Variants in ITGA9 observed in about 807,000 individuals in gnomAD.
The protein encoded by ITGA9 is integrin alpha-9.
In ITGA9, 56 loss-of-function variants were observed where a neutral mutation model predicts 127.8. That is an observed-to-expected ratio of 0.44 (90% confidence interval 0.35 to 0.55). The LOEUF is 0.55. Among genes scored for constraint, ITGA9 ranks in the 20% least tolerant of loss-of-function variants. The pLI is 0.00. For missense variants in ITGA9, 1,196 were observed against 1,347.1 expected (o/e 0.89, Z 1.76); for synonymous variants, 508 against 514.5 (o/e 0.99, Z 0.17).
At chr3:37,776,137 C>A (rs1696904461) in intron 23 of ITGA9, among the ~76,000 whole-genome samples, 1 of 152,108 alleles carries the variant, frequency 6.6e-6, no homozygotes, top group Non-Finnish European at 1.5e-5. Flanking sequence ...ATTATGAGAA[C>A]TCATGAACAC....
chr3:37,599,671 A>G (rs1699899133), intron 15 of ITGA9, among the ~76,000 whole-genome samples: 1 of 152,204 alleles, frequency 6.6e-6, no homozygotes, highest in Non-Finnish European at 1.5e-5. Flanking sequence ...TTGGAGTCCC[A>G]TGGGGCTCTC....
intron 18 of ITGA9, among the ~76,000 whole-genome samples, chr3:37,720,998 A>C (rs1023680553): frequency 3.3e-5 from 5 of 152,000 alleles, no homozygotes; most frequent in African/African-American, 1.2e-4. Flanking sequence ...CTTTGGGAGG[A>C]GACCTCGCCG....
intron 27 of ITGA9, among the ~76,000 whole-genome samples, chr3:37,817,811 T>C (rs995297375): frequency 7.2e-5 from 11 of 152,148 alleles, no homozygotes; most frequent in Non-Finnish European, 1.3e-4. Flanking sequence ...ATGTGAAAAG[T>C]TGTAAGACCA....
intron 15 of ITGA9, among the ~76,000 whole-genome samples, chr3:37,591,626 TC>T (rs1699820105): frequency 6.6e-6 from 1 of 152,194 alleles, no homozygotes; most frequent in Admixed American, 6.5e-5. Flanking sequence ...GTCCAGACTT[TC>T]CTTGCACACA....
chr3:37,579,672 A>C (rs1402300608), intron 15 of ITGA9, among the ~76,000 whole-genome samples: 1 of 152,170 alleles, frequency 6.6e-6, no homozygotes, highest in Non-Finnish European at 1.5e-5. Context: ...CATGGTCTAG[A>C]ATATATGAAG....
rs1196759433 is a variant in ITGA9 at position 37,481,701 on chromosome 3, C to T, written c.544+94C>T. The T allele has an allele frequency of 6.7e-6, 10 of 1,484,064 alleles. No homozygotes were observed. In the East Asian group the frequency reaches 2.3e-4, roughly 34 times the overall value. 91.9% of individuals were successfully genotyped at this position (1,484,064 alleles called of 1,614,324 possible). On this transcript the variant is annotated intron_variant, in intron 4 of 27. Transcript: ENST00000264741. ...ATGCACCACCAGCTGAACATTTCCC[C>T]AGCTTTCCACATGCTCATGATAGGG...
At chr3:37,499,182 A>G (rs938317917) in intron 5 of ITGA9, among the ~76,000 whole-genome samples, 4 of 152,254 alleles carry the variant, frequency 2.6e-5, no homozygotes, top group African/African-American at 9.6e-5. Context: ...TGAGGCTAAC[A>G]GAGGTAGTAG....
chr3:37,464,190 C>A (rs1329610338), intron 1 of ITGA9, among the ~76,000 whole-genome samples: 1 of 149,154 alleles, frequency 6.7e-6, no homozygotes. Context: ...TGTGTTTTTG[C>A]AGATTTTTTT....
chr3:37,487,649 T>A (rs1376978143), intron 4 of ITGA9, among the ~76,000 whole-genome samples: 2 of 152,174 alleles, frequency 1.3e-5, no homozygotes, highest in Admixed American at 1.3e-4. Flanking sequence ...AGTATTCTTA[T>A]CCTTGTTATA....
At chr3:37,758,425 T>C (rs1321959352) in intron 23 of ITGA9, among the ~76,000 whole-genome samples, 1 of 150,620 alleles carries the variant, frequency 6.6e-6, no homozygotes, top group African/African-American at 2.5e-5. Context: ...AATGCTAAGT[T>C]GGTTCTCCAT....
intron 18 of ITGA9, among the ~76,000 whole-genome samples, chr3:37,715,122 G>A (rs1342274705): frequency 6.6e-6 from 1 of 152,224 alleles, no homozygotes; most frequent in Middle Eastern, 3.2e-3. Context: ...TAATGTTGAG[G>A]CAGCCCACCC....
At chr3:37,493,995 T>A (rs1410722145) in intron 4 of ITGA9, among the ~76,000 whole-genome samples, 1 of 152,192 alleles carries the variant, frequency 6.6e-6, no homozygotes, top group African/African-American at 2.4e-5. Context: ...TGTAACCGAA[T>A]GCCAGAGCAG....
intron 22 of ITGA9, chr3:37,748,940 A>T (rs1170888396): frequency 9.4e-5 from 36 of 382,746 alleles, no homozygotes; most frequent in Admixed American, 3.0e-4. Flanking sequence ...TGGACTGTTT[A>T]AAAAAAAAAA....
At chr3:37,519,144 T>A in intron 10 of ITGA9, 116 bp from the exon 11 acceptor site, 2 of 715,700 alleles carry the variant, frequency 2.8e-6, no homozygotes, top group Non-Finnish European at 5.0e-6. Flanking sequence ...GCTTGAACAA[T>A]CAACAACCAA....
At chr3:37,574,258 C>T (rs936765077) in intron 15 of ITGA9, among the ~76,000 whole-genome samples, 3 of 152,054 alleles carry the variant, frequency 2.0e-5, no homozygotes, top group African/African-American at 7.2e-5. Context: ...TTTTATTTGC[C>T]ACTCCCCACC....
intron 18 of ITGA9, among the ~76,000 whole-genome samples, chr3:37,690,011 A>C (rs1700816310): frequency 6.6e-6 from 1 of 152,222 alleles, no homozygotes; most frequent in Admixed American, 6.5e-5. Context: ...AGGTGCTGAA[A>C]CGTTGTTTGA....
chr3:37,613,167 T>C (rs1333733028), intron 15 of ITGA9, among the ~76,000 whole-genome samples: 5 of 141,656 alleles, frequency 3.5e-5, no homozygotes, highest in Non-Finnish European at 6.2e-5. Flanking sequence ...CCTGTGTCCA[T>C]GTGTTCTCAT....
intron 15 of ITGA9, among the ~76,000 whole-genome samples, chr3:37,609,076 T>G (rs1037490712): frequency 6.6e-6 from 1 of 152,154 alleles, no homozygotes; most frequent in Non-Finnish European, 1.5e-5. Context: ...ACATTCTTCA[T>G]GAGAATCACA....
intron 18 of ITGA9, among the ~76,000 whole-genome samples, chr3:37,728,814 C>T (rs1372902077): frequency 6.6e-6 from 1 of 151,406 alleles, no homozygotes; most frequent in Non-Finnish European, 1.5e-5. Context: ...AAGCAGCACC[C>T]GAGATGGACT....
Sources: gnomAD v4.1 joint callset for allele counts (sites outside exome capture counted in the v4.1 genomes callset) on GRCh38, gnomAD v4.1.1 for gene constraint, MANE v1.5 for transcripts, NCBI Gene and HGNC (gene_info 2026-07-23, HGNC 2026-07-21) for gene names.